Variants in HAUS1 observed in about 807,000 individuals in gnomAD.
HAUS1 encodes the protein HAUS augmin like complex subunit 1, also known as HAUS augmin-like complex subunit 1.
HAUS1 carries 25 observed loss-of-function variants against 38.6 expected under a neutral mutation model. The ratio of observed to expected loss-of-function variants is 0.65; its 90% CI spans 0.47 to 0.91. HAUS1 has a LOEUF of 0.91. HAUS1 is among the 40% of genes least tolerant of loss of function. The pLI, the probability that HAUS1 is intolerant of heterozygous loss-of-function variation, is 0.00. For missense variants in HAUS1, 325 were observed against 328.4 expected (o/e 0.99, Z 0.08); for synonymous variants, 109 against 112.9 (o/e 0.97, Z 0.22).
At chr18:46,112,160 C>T (rs1185117001) in intron 2 of HAUS1, among the ~76,000 whole-genome samples, 2 of 149,350 alleles carry the variant, frequency 1.3e-5, no homozygotes, top group Non-Finnish European at 3.0e-5. Context: ...GCTGGGATTA[C>T]AGGCGTGAAC....
Position 46,128,055 on chromosome 18 carries a change from G to A in HAUS1, c.787-20G>A, listed in dbSNP as rs565722830. ...CATCTGTTTTATGTCCTTATCTATG[G>A]TATGTCTTTCTTCCTGTAGGATAGC... On this transcript the variant is annotated intron_variant, in intron 8 of 8. Transcript: ENST00000282058. 6.1e-6 allele frequency: 9 copies of A among 1,479,102 alleles called. No individual in the cohort carries two copies. The highest frequency in any genetic ancestry group is 3.7e-4 in the Middle Eastern group (2 of 5,458). The allele number at this position is 1,479,102 out of a possible 1,614,324, so 91.6% of individuals were successfully genotyped here. A position where few individuals can be genotyped will look rare whatever the true frequency, so the allele number is the denominator to read the frequency against.
At position 46,125,898 on chromosome 18, in the gene HAUS1, C is replaced by T. The variant is rs1599819616; in HGVS notation, c.786+107C>T. ...TTCCTTTCTCCTCAGTGGTAAGCTG[C>T]AGTCCTAAAGTTACTGTGTATCATT... is the stretch of plus-strand genomic sequence containing the variant. On this transcript the variant is annotated intron_variant, in intron 8 of 8. Coordinates refer to ENST00000282058, the MANE Select transcript of HAUS1 (RefSeq NM_138443.4). The T allele has an allele frequency of 1.4e-5, 10 of 724,304 alleles. No individual in the cohort carries two copies. The South Asian group carries it at 1.7e-4, about 12-fold the overall frequency. The allele number at this position is 724,304 out of a possible 1,614,324, so 44.9% of individuals were successfully genotyped here. A position where few individuals can be genotyped will look rare whatever the true frequency, so the allele number is the denominator to read the frequency against.
At chr18:46,118,041 G>T in intron 2 of HAUS1, 140 bp from the exon 3 acceptor site, 1 of 687,180 alleles carries the variant, frequency 1.5e-6, no homozygotes, top group Non-Finnish European at 2.5e-6. Context: ...TTGTACTGAT[G>T]GGGATACAAC....
chr18:46,123,409 C>T, intron 6 of HAUS1, 45 bp downstream of exon 6: 1 of 1,249,576 alleles, frequency 8.0e-7, no homozygotes, highest in East Asian at 2.3e-5. Flanking sequence ...AAATTTTACT[C>T]CACAGTCTGC....
intron 8 of HAUS1, among the ~76,000 whole-genome samples, chr18:46,127,497 A>T (rs550222258): frequency 1.3e-5 from 2 of 152,164 alleles, no homozygotes; most frequent in African/African-American, 4.8e-5. Context: ...AAAGGTCAAG[A>T]GTTCAAGACT....
At position 46,105,247 on chromosome 18, in the gene HAUS1, G is replaced by A. The variant is rs1304421515; in HGVS notation, c.84G>A (p.Glu28=). The change falls in exon 2 of 9, where the codon GAG becomes GAA. Residue 28 remains glutamate (E), a synonymous_variant. Transcript: ENST00000282058. ...GAGATCATCCTATTCCACAGTATGAGGTGAACCCACGGACCACAGAGATTT... is the reference window on the plus strand; with the variant it reads ...GAGATCATCCTATTCCACAGTATGAAGTGAACCCACGGACCACAGAGATTT... The part of the protein sequence containing the change: ...IFGDHPIPQY[E]VNPRTTEILH... The A allele has an allele frequency of 6.2e-7, 1 of 1,613,278 alleles. No homozygotes were observed. The highest frequency in any genetic ancestry group is 8.5e-7 in the Non-Finnish European group (1 of 1,179,822).
At chr18:46,127,557 A>T (rs1472687363) in intron 8 of HAUS1, among the ~76,000 whole-genome samples, 1 of 151,968 alleles carries the variant, frequency 6.6e-6, no homozygotes, top group Non-Finnish European at 1.5e-5. Context: ...TACAAAAAAA[A>T]TTAGCCGGGC....
intron 2 of HAUS1, among the ~76,000 whole-genome samples, chr18:46,108,529 T>G (rs1242029143): frequency 6.6e-6 from 1 of 152,170 alleles, no homozygotes; most frequent in Non-Finnish European, 1.5e-5. Context: ...AGTTAGGTTA[T>G]TGATTTGAGA....
intron 2 of HAUS1, among the ~76,000 whole-genome samples, chr18:46,117,445 G>A (rs1181115081): frequency 1.3e-5 from 2 of 152,282 alleles, no homozygotes; most frequent in East Asian, 3.9e-4. Flanking sequence ...CACATCTTAT[G>A]ATACCATTCA....
intron 8 of HAUS1, among the ~76,000 whole-genome samples, chr18:46,126,143 T>G (rs1485495457): frequency 6.6e-6 from 1 of 151,994 alleles, no homozygotes; most frequent in Non-Finnish European, 1.5e-5. Context: ...GGCGTGGTGA[T>G]GCGTGCCCGT....
chr18:46,112,929 T>G (rs1482780488), intron 2 of HAUS1, among the ~76,000 whole-genome samples: 2 of 115,676 alleles, frequency 1.7e-5, no homozygotes, highest in Admixed American at 2.2e-4. Flanking sequence ...AATGTGTATA[T>G]ATTCCATATA....
chr18:46,118,031 T>C (rs1911841051), intron 2 of HAUS1, 150 bp from the exon 3 acceptor site: 2 of 638,078 alleles, frequency 3.1e-6, no homozygotes, highest in Admixed American at 2.8e-5. Context: ...TAAGAATAGG[T>C]TGTACTGATG....
intron 2 of HAUS1, among the ~76,000 whole-genome samples, chr18:46,112,983 T>TGTA: frequency 2.2e-5 from 1 of 44,558 alleles, no homozygotes; most frequent in Non-Finnish European, 4.3e-5. Flanking sequence ...ATATTATATA[T>TGTA]ATAATATATA....
chr18:46,104,428 A>G lies in HAUS1; in HGVS notation c.17A>G (p.Glu6Gly). Reference sequence around the variant, plus strand: ...GCCGCAGCTATGGAGCCGCAGGAGGAGAGAGAAACGCAGGTGATGGGGCGG... The same window carrying G: ...GCCGCAGCTATGGAGCCGCAGGAGGGGAGAGAAACGCAGGTGATGGGGCGG... MEPQE[E>G]RETQVAAWLK... Residue 6 changes from glutamate (E) to glycine (G), a missense_variant, in exon 1 of 9, where the codon GAG becomes GGG. By Grantham distance (98) the Glu-to-Gly change is moderately conservative. Transcript: ENST00000282058. 6.8e-7 allele frequency: 1 copy of G among 1,465,794 alleles called. No homozygotes were observed. Among genetic ancestry groups the G allele is most frequent in the Non-Finnish European group, 9.1e-7 (1 of 1,099,136 alleles). 90.8% of individuals were successfully genotyped at this position (1,465,794 alleles called of 1,614,324 possible). A position where few individuals can be genotyped will look rare whatever the true frequency, so the allele number is the denominator to read the frequency against.
At position 46,118,171 on chromosome 18, in the gene HAUS1, A is replaced by C; in HGVS notation, c.206-10A>C. On this transcript the variant is annotated splice_polypyrimidine_tract_variant and intron_variant, in intron 2 of 8. Transcript: ENST00000282058. ...CAAACAGTCACTATGGAACTCTTTC[A>C]TGTTTTTAGCCAAGTATCTTCAAGA... 1 of 1,611,236 alleles carries C rather than the reference A, an allele frequency of 6.2e-7. No homozygotes were observed.
At chr18:46,125,868 C>T in intron 8 of HAUS1, 77 bp downstream of exon 8, 2 of 893,822 alleles carry the variant, frequency 2.2e-6, no homozygotes, top group South Asian at 1.5e-5. Flanking sequence ...CTTCTTCATC[C>T]TTCTTTCCTT....
intron 2 of HAUS1, among the ~76,000 whole-genome samples, chr18:46,105,581 TG>T (rs1248252957): frequency 6.6e-6 from 1 of 150,840 alleles, no homozygotes; most frequent in African/African-American, 2.5e-5. Context: ...TGTGTGTGTG[TG>T]TGTGTGTGTG....
rs71160713 is a variant in HAUS1 at position 46,110,333 on chromosome 18, G to GTT, written c.205+4993_205+4994dup. On this transcript the variant is annotated intron_variant, in intron 2 of 8. Transcript: ENST00000282058. ...ACCATGCCCAGCTTATTTTTTTAAG[G>GTT]TTTTTTTTTTTTTTTTTTTTTTTTT... Among the ~76,000 whole-genome samples the GTT allele has an allele frequency of 6.4e-3, 321 of 50,004 alleles. 32 individuals are homozygous for GTT. Among genetic ancestry groups the GTT allele is most frequent in the African/African-American group, 0.017 (192 of 11,508 alleles). The allele number at this position is 50,004 out of a possible 152,430, so 32.8% of individuals were successfully genotyped here. A position where few individuals can be genotyped will look rare whatever the true frequency, so the allele number is the denominator to read the frequency against.
At chr18:46,104,617 A>AATC (rs1911402772) in intron 1 of HAUS1, among the ~76,000 whole-genome samples, 176 bp downstream of exon 1, 1 of 152,078 alleles carries the variant, frequency 6.6e-6, no homozygotes, top group African/African-American at 2.4e-5. Flanking sequence ...GACTCTCCTG[A>AATC]AGGCCTTTCC....
Sources: allele counts gnomAD v4.1 joint callset (sites outside exome capture counted in the v4.1 genomes callset), GRCh38; gene constraint gnomAD v4.1.1; transcripts MANE v1.5; gene names NCBI Gene and HGNC (gene_info 2026-07-23, HGNC 2026-07-21).